Variants in EPM2A observed in about 807,000 individuals in gnomAD.
The protein encoded by EPM2A is EPM2A glucan phosphatase, laforin.
Under a neutral mutation model 26.5 loss-of-function variants are expected in EPM2A, and 21 were observed. That is an observed-to-expected ratio of 0.79 (90% CI 0.56 to 1.14). The LOEUF (loss-of-function observed/expected upper bound fraction) is 1.14, where lower values mean the gene tolerates loss of function less well. Ranked by LOEUF, EPM2A falls within the 50% of genes most tolerant of loss-of-function variation. The probability of loss-of-function intolerance (pLI) is 0.00; values close to 1 mark genes in which losing one functional copy is unlikely to be tolerated. For missense variants in EPM2A, 458 were observed against 440.8 expected (o/e 1.04, Z -0.35); for synonymous variants, 217 against 177.6 (o/e 1.22, Z -1.76).
At chr6:145,492,005 G>T in intron 4 of EPM2A, 2 of 390,738 alleles carry the variant, frequency 5.1e-6, no homozygotes, top group South Asian at 2.1e-5. Flanking sequence ...AACCAGTCCC[G>T]ATCTTGCTGT....
intron 4 of EPM2A, chr6:145,490,781 A>G (rs996403394): frequency 2.0e-4 from 114 of 567,288 alleles, no homozygotes; most frequent in Middle Eastern, 5.7e-4. Context: ...CTGACGTTCC[A>G]CAGTTTCGAT....
intron 4 of EPM2A, among the ~76,000 whole-genome samples, chr6:145,442,910 G>T (rs1471283545): frequency 6.6e-6 from 1 of 151,762 alleles, no homozygotes; most frequent in African/African-American, 2.4e-5. Context: ...GCGCAGGCTG[G>T]AGTGCAGTGG....
chr6:145,430,500 C>G (rs564893461), intron 4 of EPM2A, among the ~76,000 whole-genome samples: 1 of 151,660 alleles, frequency 6.6e-6, no homozygotes, highest in African/African-American at 2.4e-5. Context: ...ACTCGGGAGG[C>G]TGAAGCAGGA....
chr6:145,438,391 C>G (rs1022963348), intron 4 of EPM2A, among the ~76,000 whole-genome samples: 1 of 151,742 alleles, frequency 6.6e-6, no homozygotes, highest in African/African-American at 2.4e-5. Context: ...ATAGGTAAGG[C>G]TGCACACAAA....
chr6:145,588,998 A>C (rs1781235058), intron 2 of EPM2A, among the ~76,000 whole-genome samples: 1 of 152,202 alleles, frequency 6.6e-6, no homozygotes, highest in South Asian at 2.1e-4. Context: ...CCCCAGGCTG[A>C]GGAAAAGTGG....
intron 4 of EPM2A, among the ~76,000 whole-genome samples, chr6:145,480,967 G>A (rs968518571): frequency 6.6e-6 from 1 of 152,096 alleles, no homozygotes; most frequent in African/African-American, 2.4e-5. Flanking sequence ...AACTGGAGTT[G>A]CATGGGCCAA....
At chr6:145,443,553 A>G (rs1779094531) in intron 4 of EPM2A, among the ~76,000 whole-genome samples, 1 of 152,156 alleles carries the variant, frequency 6.6e-6, no homozygotes, top group Non-Finnish European at 1.5e-5. Context: ...CTGTATAGGA[A>G]TGCTACTGAC....
intron 2 of EPM2A, among the ~76,000 whole-genome samples, chr6:145,658,577 G>A (rs1463889044): frequency 2.0e-5 from 3 of 152,068 alleles, no homozygotes; most frequent in African/African-American, 4.8e-5. Context: ...CTGAATACCA[G>A]ATGAAAGTTA....
At chr6:145,406,485 TAAG>T (rs766791221) in intron 4 of EPM2A, among the ~76,000 whole-genome samples, 5 of 152,186 alleles carry the variant, frequency 3.3e-5, no homozygotes, top group Non-Finnish European at 7.3e-5. Context: ...AAAGTGGTAG[TAAG>T]AATGATGTCT....
At chr6:145,459,309 C>G (rs528077151) in intron 4 of EPM2A, among the ~76,000 whole-genome samples, 1 of 152,302 alleles carries the variant, frequency 6.6e-6, no homozygotes, top group South Asian at 2.1e-4. Flanking sequence ...AGACAAAAAT[C>G]TGGATAAGGT....
intron 1 of EPM2A, among the ~76,000 whole-genome samples, chr6:145,730,110 C>T (rs1004048404): frequency 6.6e-6 from 1 of 152,116 alleles, no homozygotes; most frequent in Non-Finnish European, 1.5e-5. Flanking sequence ...TGAGGTCTCC[C>T]CAGCCATGTT....
chr6:145,709,912 A>T (rs1211477775), intron 1 of EPM2A, among the ~76,000 whole-genome samples: 1 of 152,208 alleles, frequency 6.6e-6, no homozygotes, highest in Non-Finnish European at 1.5e-5. Flanking sequence ...ATGGCTAGCC[A>T]TTTGCAGAAA....
At chr6:145,538,477 T>C (rs1157403102) in intron 2 of EPM2A, among the ~76,000 whole-genome samples, 1 of 152,234 alleles carries the variant, frequency 6.6e-6, no homozygotes. Flanking sequence ...TCTCTCCCTC[T>C]TGCTTCTTAG....
intron 4 of EPM2A, among the ~76,000 whole-genome samples, chr6:145,488,791 A>G (rs966951143): frequency 6.6e-5 from 10 of 152,294 alleles, no homozygotes; most frequent in Middle Eastern, 3.4e-3. Context: ...TGGTAGTAAA[A>G]TACTAGTGCA....
rs9497350 is a variant in EPM2A, at chr6:145,572,924, C to T, written c.340+62321G>A. ...GTTGCCTCCAAAATCCAAGTAGGCA[C>T]GCTAGGCGTTATGCCTCTTTCTGAG... On this transcript the variant is annotated intron_variant, in intron 2 of 3. Coordinates refer to the EPM2A transcript ENST00000450221. Among the ~76,000 whole-genome samples, 1,311 of 152,300 alleles carry T rather than the reference C, an allele frequency of 8.6e-3. 20 individuals are homozygous for T. Among genetic ancestry groups the T allele is most frequent in the African/African-American group, 0.03 (1,250 of 41,548 alleles).
intron 2 of EPM2A, among the ~76,000 whole-genome samples, chr6:145,581,354 C>T (rs1365342123): frequency 6.6e-6 from 1 of 151,884 alleles, no homozygotes; most frequent in East Asian, 1.9e-4. Flanking sequence ...TTGTCTTTTG[C>T]TTATTACTTT....
At chr6:145,409,219 T>G (rs1211329650) in intron 4 of EPM2A, among the ~76,000 whole-genome samples, 1 of 152,128 alleles carries the variant, frequency 6.6e-6, no homozygotes, top group Non-Finnish European at 1.5e-5. Context: ...AACTTATGGT[T>G]TATTAAGTCC....
intron 4 of EPM2A, among the ~76,000 whole-genome samples, chr6:145,385,879 A>G (rs1235124083): frequency 6.6e-6 from 1 of 151,764 alleles, no homozygotes; most frequent in African/African-American, 2.4e-5. Context: ...CTTATTCAGT[A>G]CTTTTTTGTA....
At chr6:145,696,822 TGTG>T (rs1781614576) in intron 1 of EPM2A, among the ~76,000 whole-genome samples, 2 of 130,448 alleles carry the variant, frequency 1.5e-5, no homozygotes, top group African/African-American at 5.8e-5. Flanking sequence ...TGTGTGTGTG[TGTG>T]TGGTGTGTTT....
Sources: allele counts gnomAD v4.1 joint callset (sites outside exome capture counted in the v4.1 genomes callset), GRCh38; gene constraint gnomAD v4.1.1; transcripts MANE v1.5; gene names NCBI Gene and HGNC (gene_info 2026-07-23, HGNC 2026-07-21).